ABI3: variants seen among roughly 807,000 people sequenced by gnomAD.
ABI3 encodes ABI gene family member 3.
ABI3 carries 24 observed loss-of-function variants against 37.0 expected under a neutral mutation model. That is an observed-to-expected ratio of 0.65 (90% CI 0.47 to 0.91). The LOEUF (loss-of-function observed/expected upper bound fraction) is 0.91. Among genes scored for constraint, ABI3 ranks in the 40% least tolerant of loss-of-function variants. The probability of loss-of-function intolerance (pLI) is 0.00; values close to 1 mark genes in which losing one functional copy is unlikely to be tolerated. For synonymous variants in ABI3, 220 were observed against 211.8 expected (o/e 1.04, Z -0.34); for missense variants, 481 against 485.1 (o/e 0.99, Z 0.08).
intron 6 of ABI3, among the ~76,000 whole-genome samples, chr17:49,221,854 A>T (rs140773681): frequency 1.6e-3 from 237 of 152,180 alleles, no homozygotes; most frequent in African/African-American, 5.3e-3. Flanking sequence ...GAGTAGCTGG[A>T]ATTACAGGCG....
intron 6 of ABI3, among the ~76,000 whole-genome samples, chr17:49,221,844 G>A (rs1276462051): frequency 3.9e-5 from 6 of 152,082 alleles, no homozygotes; most frequent in South Asian, 2.1e-4. Context: ...TCAGTCTCCC[G>A]AGTAGCTGGA....
At position 49,223,080 on chromosome 17, in the gene ABI3, G is replaced by A. The variant is rs1230771473; in HGVS notation, c.*365G>A. ...AAGGCATCCCAGTTCTAAGGCTGCT[G>A]CTAATTACAGCCCCCAACCTCCAAC... On this transcript the variant is annotated 3_prime_UTR_variant, in exon 8 of 8. Transcript: ENST00000225941. The A allele has an allele frequency of 4.8e-6, 2 of 413,332 alleles. No homozygotes were observed. Among genetic ancestry groups the A allele is most frequent in the Admixed American group, 8.4e-5 (2 of 23,876 alleles). The allele number at this position is 413,332 out of a possible 1,614,324, so 25.6% of individuals were successfully genotyped here.
intron 2 of ABI3, 123 bp from the exon 3 acceptor site, chr17:49,217,616 G>A (rs2043233597): frequency 3.7e-6 from 3 of 811,230 alleles, no homozygotes; most frequent in Non-Finnish European, 5.4e-6. Context: ...GGGGGGCAGG[G>A]CCCTCTTTTT....
chr17:49,216,167 C>T (rs1352808067), intron 1 of ABI3, among the ~76,000 whole-genome samples: 1 of 151,042 alleles, frequency 6.6e-6, no homozygotes, highest in Non-Finnish European at 1.5e-5. Context: ...TTCCTCTTTC[C>T]TTTCTACTAT....
chr17:49,218,534 A>G (rs1206601741), intron 3 of ABI3, among the ~76,000 whole-genome samples: 2 of 152,030 alleles, frequency 1.3e-5, no homozygotes, highest in Non-Finnish European at 2.9e-5. Flanking sequence ...AGCCCCCCTT[A>G]AAGGGGAAAC....
At chr17:49,214,161 G>T (rs1254371078) in intron 1 of ABI3, among the ~76,000 whole-genome samples, 1 of 152,200 alleles carries the variant, frequency 6.6e-6, no homozygotes, top group Non-Finnish European at 1.5e-5. Context: ...GAGTTTGTAG[G>T]TCTGTTCTCC....
rs1221988845 is a variant in ABI3, at chr17:49,217,897, C to T, written c.444C>T (p.Asp148=). ...RRPLNFGCLD[D]IGHGIKDLST... ...CCCTCAACTTTGGCTGCCTGGACGA[C>T]ATTGGCCATGGGATCAAGGTAGAGA... The change falls in exon 3 of 8, where the codon GAC becomes GAT. Residue 148 remains aspartate, a synonymous_variant. Transcript: ENST00000225941. The T allele has an allele frequency of 1.3e-6, 2 of 1,568,574 alleles. No individual in the cohort carries two copies. Among genetic ancestry groups the T allele is most frequent in the Middle Eastern group, 3.4e-4 (2 of 5,936 alleles).
rs767579107 is a variant in ABI3 at position 49,216,617 on chromosome 17, G to A, written c.204G>A (p.Leu68=). ...GCGTGGCCTACCAGGTGGGCAACCT[G>A]GCCGGGCACACTCTGCGCATGTTGG... ...LASVAYQVGN[L]AGHTLRMLDL... is the part of the protein sequence containing the mutation. Residue 68 remains leucine (L), a synonymous_variant, in exon 2 of 8, where the codon CTG becomes CTA. Transcript: ENST00000225941. 5 of 1,611,888 alleles carry A rather than the reference G, an allele frequency of 3.1e-6. No individual in the cohort carries two copies. The East Asian group carries it at 8.9e-5, about 29-fold the overall frequency.
At chr17:49,220,891 T>TAATA (rs982846670) in intron 6 of ABI3, among the ~76,000 whole-genome samples, 92 of 139,876 alleles carry the variant, frequency 6.6e-4, no homozygotes, top group African/African-American at 2.3e-3. Flanking sequence ...ATAATAATAA[T>TAATA]AAACTTAATC....
intron 1 of ABI3, among the ~76,000 whole-genome samples, chr17:49,212,983 C>T (rs765563579): frequency 2.0e-5 from 3 of 152,240 alleles, no homozygotes; most frequent in African/African-American, 4.8e-5. Flanking sequence ...CATTTGCACA[C>T]ACAGTGTGCA....
chr17:49,214,728 A>T (rs1239799284), intron 1 of ABI3, among the ~76,000 whole-genome samples: 1 of 152,168 alleles, frequency 6.6e-6, no homozygotes, highest in Non-Finnish European at 1.5e-5. Context: ...AAACAAAAAA[A>T]ACTTCTTGCC....
chr17:49,210,866 A>G lies in ABI3; in HGVS notation c.117+25A>G. ...GGTAGGTAGAGCGGGCGGAAGCCTG[A>G]CACCCCAGCCCCCGGAGGGGGGACC... On this transcript the variant is annotated intron_variant, in intron 1 of 7. Transcript: ENST00000225941. The surrounding 1 kb of genome is among the most constrained non-coding windows in gnomAD (Gnocchi z 4.2). 6.5e-7 allele frequency: 1 copy of G among 1,532,766 alleles called. No homozygotes were observed. Among genetic ancestry groups the G allele is most frequent in the Non-Finnish European group, 8.8e-7 (1 of 1,131,244 alleles). The allele number at this position is 1,532,766 out of a possible 1,614,324, so 94.9% of individuals were successfully genotyped here.
At position 49,219,492 on chromosome 17, in the gene ABI3, G is replaced by A; in HGVS notation, c.463-48G>A. The stretch of plus-strand genomic sequence containing the variant: ...TTTCCTCTTGGGGATGAGGGTGGAG[G>A]GAGGCCCCTCACCCCAAATGTAAGC... On this transcript the variant is annotated intron_variant, in intron 3 of 7. Coordinates refer to ENST00000225941, the MANE Select transcript of ABI3 (RefSeq NM_016428.3). This position sits in a 1 kb window ranked among gnomAD's most constrained non-coding sequence, Gnocchi z 4.3. 6.8e-7 allele frequency: 1 copy of A among 1,478,644 alleles called. No homozygotes were observed. 91.6% of individuals were successfully genotyped at this position (1,478,644 alleles called of 1,614,324 possible).
intron 1 of ABI3, among the ~76,000 whole-genome samples, chr17:49,214,898 T>C (rs577745270): frequency 6.6e-6 from 1 of 152,240 alleles, no homozygotes; most frequent in East Asian, 1.9e-4. Flanking sequence ...ATGAAGAATC[T>C]TTTGCGTGTT....
At chr17:49,221,749 T>C (rs1342218130) in intron 6 of ABI3, among the ~76,000 whole-genome samples, 5 of 152,162 alleles carry the variant, frequency 3.3e-5, no homozygotes, top group Non-Finnish European at 7.3e-5. Flanking sequence ...GGAGTCTCAC[T>C]CTGTCATCCA....
chr17:49,219,595 C>A lies in ABI3; in HGVS notation c.518C>A (p.Ala173Asp). The A allele has an allele frequency of 6.2e-7, 1 of 1,607,172 alleles. No homozygotes were observed. Among genetic ancestry groups the A allele is most frequent in the Non-Finnish European group, 8.5e-7 (1 of 1,177,186 alleles). ...ACCCTGTCTCGAAAGAGCATCAAGG[C>A]CCCTGCCACACCCGCCTCCGCCACC... Reference protein sequence around the residue: ...TGTLSRKSIKAPATPASATLG... With the variant: ...TGTLSRKSIKDPATPASATLG... The change falls in exon 4 of 8, where the codon GCC becomes GAC. Residue 173 changes from alanine to aspartate, a missense_variant. Transcript: ENST00000225941. The surrounding 1 kb of genome is among the most constrained non-coding windows in gnomAD (Gnocchi z 4.3).
chr17:49,220,906 G>A lies in ABI3; in HGVS notation c.802+580G>A, dbSNP rs868731982. Among the ~76,000 whole-genome samples the A allele has an allele frequency of 5.3e-5, 8 of 149,710 alleles. No individual in the cohort carries two copies. The South Asian group carries it at 1.3e-3, about 24-fold the overall frequency. The stretch of plus-strand genomic sequence containing the variant: ...ATAATAATAATAAACTTAATCCTAA[G>A]GGCCAGGCGGGGTGGCTCACGGCCG... On this transcript the variant is annotated intron_variant, in intron 6 of 7. Coordinates refer to ENST00000225941, the MANE Select transcript of ABI3 (RefSeq NM_016428.3).
intron 6 of ABI3, among the ~76,000 whole-genome samples, chr17:49,220,561 C>G (rs2143539411): frequency 6.6e-6 from 1 of 152,266 alleles, no homozygotes; most frequent in African/African-American, 2.4e-5. Context: ...GAACTTAATC[C>G]TGGCCGGGCG....
In ABI3 at chr17:49,219,671, G is replaced by T; in HGVS notation, c.548+46G>T. ...CAACTAGCCTAGCCCTGCCCCGCGC[G>T]ACCCTGAAACTCTCCTCCCCCAGCC... On this transcript the variant is annotated intron_variant, in intron 4 of 7. Coordinates refer to ENST00000225941, the MANE Select transcript of ABI3 (RefSeq NM_016428.3). The surrounding 1 kb of genome is among the most constrained non-coding windows in gnomAD (Gnocchi z 4.3). The T allele has an allele frequency of 1.3e-6, 2 of 1,530,546 alleles. No individual in the cohort carries two copies. Among genetic ancestry groups the T allele is most frequent in the Non-Finnish European group, 1.8e-6 (2 of 1,126,358 alleles). 94.8% of individuals were successfully genotyped at this position (1,530,546 alleles called of 1,614,324 possible).
Sources: allele counts gnomAD v4.1 joint callset (sites outside exome capture counted in the v4.1 genomes callset), GRCh38; gene constraint gnomAD v4.1.1; non-coding constraint Gnocchi (gnomAD v3.1); transcripts MANE v1.5; gene names NCBI Gene and HGNC (gene_info 2026-07-23, HGNC 2026-07-21).